Variants in GALNT18 observed in about 807,000 individuals in gnomAD.
The protein encoded by GALNT18 is polypeptide N-acetylgalactosaminyltransferase 18, also known as GalNAc-transferase 18.
In GALNT18, 44 loss-of-function variants were observed where a neutral mutation model predicts 69.5. That is an observed-to-expected ratio of 0.63 (90% CI 0.50 to 0.81). The LOEUF is 0.81. Among genes scored for constraint, GALNT18 ranks in the 40% least tolerant of loss-of-function variants. The pLI is 0.00. For synonymous variants in GALNT18, 364 were observed against 318.2 expected (o/e 1.14, Z -1.53); for missense variants, 715 against 810.0 (o/e 0.88, Z 1.42).
intron 3 of GALNT18, among the ~76,000 whole-genome samples, chr11:11,429,465 C>T (rs1039931437): frequency 2.6e-5 from 4 of 152,220 alleles, no homozygotes; most frequent in Non-Finnish European, 4.4e-5. Context: ...CACATTTCCC[C>T]TCTGGGGCTC....
intron 9 of GALNT18, among the ~76,000 whole-genome samples, chr11:11,322,709 TACA>T (rs754245007): frequency 2.0e-5 from 3 of 152,224 alleles, no homozygotes; most frequent in Non-Finnish European, 4.4e-5. Flanking sequence ...TAAAAATTGG[TACA>T]ACAATTTTGG....
At chr11:11,312,011 C>T (rs1303784250) in intron 9 of GALNT18, among the ~76,000 whole-genome samples, 1 of 152,214 alleles carries the variant, frequency 6.6e-6, no homozygotes, top group Non-Finnish European at 1.5e-5. Context: ...GGCTGGAGTG[C>T]AGTGGCGCAA....
At chr11:11,285,140 G>A (rs1849169440) in intron 10 of GALNT18, among the ~76,000 whole-genome samples, 1 of 151,936 alleles carries the variant, frequency 6.6e-6, no homozygotes, top group African/African-American at 2.4e-5. Flanking sequence ...ACATATTTGC[G>A]ACAGGCTCAG....
intron 9 of GALNT18, among the ~76,000 whole-genome samples, chr11:11,324,141 C>A (rs1033216470): frequency 2.0e-5 from 3 of 152,200 alleles, no homozygotes; most frequent in African/African-American, 7.2e-5. Context: ...GGCCAGCACT[C>A]TGATCTTGGG....
rs1859885330 is a variant in GALNT18, at chr11:11,610,987, C to G, written c.235+10372G>C. On this transcript the variant is annotated intron_variant, in intron 1 of 10. Coordinates refer to ENST00000227756, the MANE Select transcript of GALNT18 (RefSeq NM_198516.3). ...AACTGCAATAGAGAAACCAGAAAAC[C>G]CCTCTGCCTTGGGATGCTAACCAAG... 2.0e-5 allele frequency among the ~76,000 whole-genome samples: 3 copies of G among 152,268 alleles called. No homozygotes were observed. In the South Asian group the frequency reaches 6.2e-4, roughly 32 times the overall value.
intron 3 of GALNT18, among the ~76,000 whole-genome samples, chr11:11,380,444 A>C (rs1343354696): frequency 6.6e-6 from 1 of 152,244 alleles, no homozygotes; most frequent in Non-Finnish European, 1.5e-5. Flanking sequence ...ACCCTTTCAT[A>C]TTATGCAGAA....
At chr11:11,353,853 G>C (rs1850472347) in intron 6 of GALNT18, among the ~76,000 whole-genome samples, 1 of 152,194 alleles carries the variant, frequency 6.6e-6, no homozygotes, top group Admixed American at 6.5e-5. Context: ...GGCAGGTAAT[G>C]GATGTGTCAT....
intron 9 of GALNT18, among the ~76,000 whole-genome samples, chr11:11,325,749 T>C (rs540711328): frequency 6.6e-6 from 1 of 152,318 alleles, no homozygotes; most frequent in Admixed American, 6.5e-5. Flanking sequence ...TCATTAAAAA[T>C]GCCACACCAT....
In GALNT18 at chr11:11,389,889, C is replaced by T. The variant is rs1336736234; in HGVS notation, c.596-10625G>A. On this transcript the variant is annotated intron_variant, in intron 3 of 10. Transcript: ENST00000227756. This position sits in a 1 kb window ranked among gnomAD's most constrained non-coding sequence, Gnocchi z 4.3. Reference sequence around the variant, plus strand: ...GTGCCCTTAGCAGTTAAGCCAGAGGCCAACTTGAATTTTGGTGCTGGCTTC... The same window carrying T: ...GTGCCCTTAGCAGTTAAGCCAGAGGTCAACTTGAATTTTGGTGCTGGCTTC... Among the ~76,000 whole-genome samples the T allele has an allele frequency of 2.0e-5, 3 of 152,096 alleles. No individual in the cohort carries two copies. Among genetic ancestry groups the T allele is most frequent in the Non-Finnish European group, 4.4e-5 (3 of 68,010 alleles).
chr11:11,526,500 T>C (rs956373491), intron 1 of GALNT18, among the ~76,000 whole-genome samples: 4 of 152,200 alleles, frequency 2.6e-5, no homozygotes, highest in African/African-American at 4.8e-5. Context: ...AATAAATACA[T>C]CATTCTTTCT....
intron 6 of GALNT18, among the ~76,000 whole-genome samples, chr11:11,344,571 G>A (rs1196420247): frequency 2.6e-5 from 4 of 152,166 alleles, no homozygotes; most frequent in Non-Finnish European, 4.4e-5. Flanking sequence ...CCAGGTGGGA[G>A]TAGCATGTCG....
intron 6 of GALNT18, among the ~76,000 whole-genome samples, chr11:11,359,329 C>T (rs1850594672): frequency 7.1e-6 from 1 of 140,916 alleles, no homozygotes; most frequent in South Asian, 2.2e-4. Context: ...CCTGCCTGGA[C>T]TGCCTTCACT....
intron 1 of GALNT18, among the ~76,000 whole-genome samples, chr11:11,572,822 C>T (rs1858825343): frequency 6.6e-6 from 1 of 152,212 alleles, no homozygotes; most frequent in Non-Finnish European, 1.5e-5. Flanking sequence ...GCAGTAACAA[C>T]TCCAACTGGG....
At chr11:11,513,015 C>T (rs1857194605) in intron 1 of GALNT18, among the ~76,000 whole-genome samples, 1 of 152,216 alleles carries the variant, frequency 6.6e-6, no homozygotes, top group African/African-American at 2.4e-5. Context: ...ACAGATGAGA[C>T]TCCATGTAGA....
At chr11:11,437,324 T>C (rs1332992994) in intron 2 of GALNT18, among the ~76,000 whole-genome samples, 1 of 152,056 alleles carries the variant, frequency 6.6e-6, no homozygotes. Context: ...CATTTTCCAC[T>C]AGAGATAAAA....
intron 10 of GALNT18, among the ~76,000 whole-genome samples, chr11:11,278,590 CAGAA>C (rs1242311211): frequency 6.6e-6 from 1 of 151,458 alleles, no homozygotes; most frequent in African/African-American, 2.4e-5. Flanking sequence ...AAACCAGGCA[CAGAA>C]AGACAAATTT....
In GALNT18 at chr11:11,372,670, C is replaced by G. The variant is rs746698432; in HGVS notation, c.978-41G>C. 6.6e-7 allele frequency: 1 copy of G among 1,520,426 alleles called. No individual in the cohort carries two copies. Among genetic ancestry groups the G allele is most frequent in the South Asian group, 1.1e-5 (1 of 88,860 alleles). The allele number at this position is 1,520,426 out of a possible 1,614,324, so 94.2% of individuals were successfully genotyped here. On this transcript the variant is annotated intron_variant, in intron 5 of 10. Coordinates refer to ENST00000227756, the MANE Select transcript of GALNT18 (RefSeq NM_198516.3). The surrounding 1 kb of genome is among the most constrained non-coding windows in gnomAD (Gnocchi z 4.9). Reference sequence around the variant, plus strand: ...AGAGCAGAAGGGCTGTCTGGTGCAGCTGTCCGAGGAGTAAGAGCAGTAAGG... The same window carrying G: ...AGAGCAGAAGGGCTGTCTGGTGCAGGTGTCCGAGGAGTAAGAGCAGTAAGG...
rs67668982 is a variant in GALNT18 at position 11,496,340 on chromosome 11, G to T, written c.236-47404C>A. Among the ~76,000 whole-genome samples, 3,462 of 152,226 alleles carry T rather than the reference G, an allele frequency of 0.023. 58 individuals carry two copies. The highest frequency in any genetic ancestry group is 0.039 in the South Asian group (187 of 4,820). On this transcript the variant is annotated intron_variant, in intron 1 of 10. Coordinates refer to ENST00000227756, the MANE Select transcript of GALNT18 (RefSeq NM_198516.3). This position sits in a 1 kb window ranked among gnomAD's most constrained non-coding sequence, Gnocchi z 4.0. ...TAGCATCAGCAACACTCCACATGCT[G>T]CCATACTGCAAACTGGGTCCAATTA... is the stretch of plus-strand genomic sequence containing the variant.
At chr11:11,464,918 G>A (rs1332008315) in intron 1 of GALNT18, among the ~76,000 whole-genome samples, 1 of 152,184 alleles carries the variant, frequency 6.6e-6, no homozygotes, top group East Asian at 1.9e-4. Context: ...CATTCTATGG[G>A]CAACATAAAC....
Sources: gnomAD v4.1 joint callset for allele counts (sites outside exome capture counted in the v4.1 genomes callset) on GRCh38, gnomAD v4.1.1 for gene constraint, Gnocchi (gnomAD v3.1) non-coding constraint, MANE v1.5 for transcripts, NCBI Gene and HGNC (gene_info 2026-07-23, HGNC 2026-07-21) for gene names.